The following SMIM31 variants were observed in gnomAD, a reference collection of about 807,000 sequenced individuals.
The protein encoded by SMIM31 is human epithelial cell program regulator.
chr4:164,755,140 T>C (rs2110911460), intron 1 of SMIM31, among the ~76,000 whole-genome samples: 1 of 151,840 alleles, frequency 6.6e-6, no homozygotes, highest in African/African-American at 2.4e-5. Context: ...GTATAAGAAC[T>C]GAGTGAAGTC....
chr4:164,782,675 T>C (rs6839591), intron 2 of SMIM31, among the ~76,000 whole-genome samples: 26,908 of 148,212 alleles, frequency 0.18, 6,933 homozygotes, highest in African/African-American at 0.59. Flanking sequence ...GATTCCTAAA[T>C]TTAAAAAGAA....
chr4:164,768,427 C>CAA (rs758951225), intron 1 of SMIM31, among the ~76,000 whole-genome samples: 10 of 94,710 alleles, frequency 1.1e-4, no homozygotes, highest in African/African-American at 1.6e-4. Context: ...CAGTACATCT[C>CAA]AAAAAAAAAA....
intron 1 of SMIM31, among the ~76,000 whole-genome samples, chr4:164,765,447 G>A (rs772670173): frequency 2.4e-4 from 37 of 152,244 alleles, no homozygotes; most frequent in Middle Eastern, 3.4e-3. Context: ...ACAGATGGAC[G>A]GGATAATTCA....
chr4:164,785,131 C>G (rs1157267521), intron 2 of SMIM31, among the ~76,000 whole-genome samples: 2 of 151,816 alleles, frequency 1.3e-5, no homozygotes, highest in African/African-American at 4.8e-5. Flanking sequence ...GAGGCTGAGG[C>G]AGGAGAATCA....
chr4:164,791,911 C>T (rs982216740), intron 2 of SMIM31, among the ~76,000 whole-genome samples: 1 of 152,162 alleles, frequency 6.6e-6, no homozygotes, highest in South Asian at 2.1e-4. Flanking sequence ...CTTTGCGTAT[C>T]TACAGCTCAG....
At chr4:164,768,988 G>A (rs747163874) in intron 1 of SMIM31, among the ~76,000 whole-genome samples, 1 of 152,090 alleles carries the variant, frequency 6.6e-6, no homozygotes, top group African/African-American at 2.4e-5. Context: ...GATTCTGGGA[G>A]CCTCTTTTTC....
At chr4:164,790,841 A>C (rs1426681825) in intron 2 of SMIM31, among the ~76,000 whole-genome samples, 2 of 152,188 alleles carry the variant, frequency 1.3e-5, no homozygotes, top group Non-Finnish European at 2.9e-5. Context: ...TAAGAAATCA[A>C]AATAAAAGAC....
At chr4:164,788,873 T>G (rs1194525371) in intron 2 of SMIM31, among the ~76,000 whole-genome samples, 2 of 152,208 alleles carry the variant, frequency 1.3e-5, no homozygotes, top group Non-Finnish European at 2.9e-5. Context: ...ATTTTAAACA[T>G]TTTCAAATGG....
intron 1 of SMIM31, among the ~76,000 whole-genome samples, chr4:164,766,713 G>A (rs193149897): frequency 2.6e-5 from 4 of 151,720 alleles, no homozygotes; most frequent in African/African-American, 9.7e-5. Context: ...CAGGAGAATC[G>A]CTTGAACCCG....
rs35632469 is a variant in SMIM31 at position 164,758,801 on chromosome 4, A to ATTTTTTTTTTTTTTTTTTTTTTTTT, written c.-26+4406_-26+4430dup. Among the ~76,000 whole-genome samples, 26 of 60,910 alleles carry ATTTTTTTTTTTTTTTTTTTTTTTTT rather than the reference A, an allele frequency of 4.3e-4. 2 individuals are homozygous for ATTTTTTTTTTTTTTTTTTTTTTTTT. Among genetic ancestry groups the ATTTTTTTTTTTTTTTTTTTTTTTTT allele is most frequent in the East Asian group, 1.2e-3 (2 of 1,636 alleles). The allele number at this position is 60,910 out of a possible 152,430, so 40.0% of individuals were successfully genotyped here. On this transcript the variant is annotated intron_variant, in intron 1 of 2. Transcript: ENST00000507311. The stretch of plus-strand genomic sequence containing the variant: ...GGCGCCCGCCACCACGCCCGGCCAA[A>ATTTTTTTTTTTTTTTTTTTTTTTTT]TTTTTTTTTTTTTTTTTTTTTTTTT...
chr4:164,797,465 CTT>C (rs70952643), intron 2 of SMIM31, among the ~76,000 whole-genome samples: 1 of 131,322 alleles, frequency 7.6e-6, no homozygotes. Context: ...GATTTCTTTT[CTT>C]TTTTTTTTTT....
chr4:164,774,697 G>A (rs1309606586), intron 2 of SMIM31, among the ~76,000 whole-genome samples: 1 of 152,116 alleles, frequency 6.6e-6, no homozygotes, highest in Non-Finnish European at 1.5e-5. Context: ...TTAACTTTGA[G>A]TTGCAATTAC....
rs1418690624 is a variant in SMIM31 at position 164,754,401 on chromosome 4, G to A, written c.-36G>A. The A allele has an allele frequency of 6.6e-6, 1 of 151,510 alleles. No individual in the cohort carries two copies. The highest frequency in any genetic ancestry group is 2.4e-5 in the African/African-American group (1 of 41,248). 9.4% of individuals were successfully genotyped at this position (151,510 alleles called of 1,614,324 possible). A position where few individuals can be genotyped will look rare whatever the true frequency, so the allele number is the denominator to read the frequency against. On this transcript the variant is annotated 5_prime_UTR_variant, in exon 1 of 3. Coordinates refer to ENST00000507311, the MANE Select transcript of SMIM31 (RefSeq NM_001352885.1). ...CCTTCCTAGCCACTCTCAGGGACAGGAATGCTTCTGGTAAGTTTTTATAAA... is the reference window on the plus strand; with the variant it reads ...CCTTCCTAGCCACTCTCAGGGACAGAAATGCTTCTGGTAAGTTTTTATAAA...
chr4:164,780,145 T>C (rs1475033509), intron 2 of SMIM31, among the ~76,000 whole-genome samples: 1 of 152,132 alleles, frequency 6.6e-6, no homozygotes, highest in Non-Finnish European at 1.5e-5. Context: ...ATAGGAATAG[T>C]GGCCGGGCGC....
intron 2 of SMIM31, among the ~76,000 whole-genome samples, chr4:164,800,221 CT>C (rs1012276113): frequency 4.6e-4 from 67 of 146,430 alleles, no homozygotes; most frequent in Admixed American, 4.8e-4. Flanking sequence ...TTTTCTTTTT[CT>C]TTTTTTTTTT....
intron 2 of SMIM31, among the ~76,000 whole-genome samples, chr4:164,782,820 T>C (rs75248987): frequency 0.013 from 1,978 of 152,226 alleles, 40 homozygotes; most frequent in African/African-American, 0.043. Flanking sequence ...TAACTGGATA[T>C]CTGTACATAC....
intron 2 of SMIM31, among the ~76,000 whole-genome samples, chr4:164,775,462 GA>G (rs1474784163): frequency 6.6e-6 from 1 of 152,176 alleles, no homozygotes; most frequent in Non-Finnish European, 1.5e-5. Context: ...GACTTCTCCT[GA>G]TAGCAAAACA....
intron 2 of SMIM31, among the ~76,000 whole-genome samples, chr4:164,782,586 A>G (rs1469118448): frequency 1.8e-5 from 2 of 110,104 alleles, no homozygotes; most frequent in African/African-American, 2.5e-4. Flanking sequence ...TCACCGTGTT[A>G]GCCAGGATGG....
intron 2 of SMIM31, among the ~76,000 whole-genome samples, chr4:164,796,789 C>T (rs1733203197): frequency 6.6e-6 from 1 of 152,184 alleles, no homozygotes; most frequent in African/African-American, 2.4e-5. Context: ...TCCACTGCCA[C>T]CACCCTGATC....
Sources: allele counts gnomAD v4.1 joint callset (sites outside exome capture counted in the v4.1 genomes callset), GRCh38; gene constraint gnomAD v4.1.1; transcripts MANE v1.5; gene names NCBI Gene and HGNC (gene_info 2026-07-23, HGNC 2026-07-21).